Variants in GRID2 observed in about 807,000 individuals in gnomAD.
GRID2 encodes glutamate ionotropic receptor delta type subunit 2.
Under a neutral mutation model 114.8 loss-of-function variants are expected in GRID2, and 33 were observed. That is an observed-to-expected ratio of 0.29 (90% CI 0.22 to 0.38). The LOEUF is 0.38. Among genes scored for constraint, GRID2 ranks in the 10% least tolerant of loss-of-function variants. GRID2 has a pLI of 1.00. For missense variants in GRID2, 1,184 were observed against 1,257.7 expected (o/e 0.94, Z 0.89); for synonymous variants, 505 against 449.9 (o/e 1.12, Z -1.55).
chr4:93,525,307 G>A (rs13131107), intron 13 of GRID2, among the ~76,000 whole-genome samples: 30,780 of 152,014 alleles, frequency 0.2, 3,497 homozygotes, highest in Middle Eastern at 0.31. Context: ...GGAGGAGAGG[G>A]CCTGAGCAAA....
intron 2 of GRID2, among the ~76,000 whole-genome samples, chr4:92,616,586 C>G (rs528655494): frequency 6.6e-6 from 1 of 151,488 alleles, no homozygotes; most frequent in East Asian, 2.0e-4. Context: ...TTCAGAGACT[C>G]TTATTACATC....
chr4:93,338,622 A>T (rs1189365424), intron 8 of GRID2, among the ~76,000 whole-genome samples: 1 of 152,128 alleles, frequency 6.6e-6, no homozygotes, highest in African/African-American at 2.4e-5. Flanking sequence ...AGCTCACAAA[A>T]CTTCTGAAAA....
intron 2 of GRID2, among the ~76,000 whole-genome samples, chr4:93,016,057 G>T (rs995960606): frequency 8.8e-6 from 1 of 113,022 alleles, no homozygotes; most frequent in African/African-American, 3.7e-5. Flanking sequence ...GGAAGTGTGT[G>T]TGTGAGTGTG....
chr4:93,125,372 A>T (rs996461139), intron 4 of GRID2, among the ~76,000 whole-genome samples: 1 of 151,948 alleles, frequency 6.6e-6, no homozygotes, highest in African/African-American at 2.4e-5. Context: ...ATTAACTCTG[A>T]TTCTCTGATA....
At chr4:92,632,252 T>A (rs1730844230) in intron 2 of GRID2, among the ~76,000 whole-genome samples, 1 of 152,186 alleles carries the variant, frequency 6.6e-6, no homozygotes, top group South Asian at 2.1e-4. Flanking sequence ...AATAATTCTT[T>A]AAAAGGGCAT....
intron 12 of GRID2, among the ~76,000 whole-genome samples, chr4:93,512,888 A>G (rs1432607714): frequency 6.6e-6 from 1 of 152,148 alleles, no homozygotes; most frequent in Non-Finnish European, 1.5e-5. Context: ...TTAACATTTG[A>G]TTTCAGTTTT....
intron 2 of GRID2, among the ~76,000 whole-genome samples, chr4:92,791,680 T>C (rs1273349079): frequency 2.0e-5 from 3 of 151,894 alleles, no homozygotes; most frequent in African/African-American, 7.2e-5. Flanking sequence ...TGTTTCATGA[T>C]TATAATGAAA....
chr4:92,400,189 C>A (rs1161329768), intron 1 of GRID2, among the ~76,000 whole-genome samples: 10 of 152,228 alleles, frequency 6.6e-5, no homozygotes. Flanking sequence ...GCAACTACCA[C>A]AGCTATTTAA....
intron 2 of GRID2, among the ~76,000 whole-genome samples, chr4:92,962,914 T>C (rs1752916746): frequency 6.6e-6 from 1 of 151,940 alleles, no homozygotes; most frequent in South Asian, 2.1e-4. Flanking sequence ...TTAGAGACAT[T>C]GAAGGTTCAG....
chr4:92,966,230 G>C (rs1479593502), intron 2 of GRID2, among the ~76,000 whole-genome samples: 2 of 151,810 alleles, frequency 1.3e-5, no homozygotes, highest in African/African-American at 4.8e-5. Context: ...GAAACATCAA[G>C]TCATGACATA....
At chr4:92,504,476 C>A (rs184546392) in intron 1 of GRID2, among the ~76,000 whole-genome samples, 1 of 151,886 alleles carries the variant, frequency 6.6e-6, no homozygotes, top group South Asian at 2.1e-4. Flanking sequence ...GAGATTGACT[C>A]CAGAAGAGAA....
At chr4:93,727,934 C>A (rs908290901) in intron 14 of GRID2, among the ~76,000 whole-genome samples, 3 of 152,086 alleles carry the variant, frequency 2.0e-5, no homozygotes, top group South Asian at 2.1e-4. Context: ...TTCAAAAAAC[C>A]AGCTTCTGGA....
chr4:92,409,725 T>G (rs974692522), intron 1 of GRID2, among the ~76,000 whole-genome samples: 1 of 152,214 alleles, frequency 6.6e-6, no homozygotes, highest in Admixed American at 6.5e-5. Context: ...GTTGATCCAA[T>G]AATTTTTAAG....
At chr4:92,649,675 T>C (rs564573280) in intron 2 of GRID2, among the ~76,000 whole-genome samples, 1 of 152,012 alleles carries the variant, frequency 6.6e-6, no homozygotes, top group East Asian at 1.9e-4. Context: ...AATAACCAAA[T>C]AAAGACAATA....
At chr4:93,126,162 C>T (rs563489296) in intron 4 of GRID2, among the ~76,000 whole-genome samples, 29 of 152,146 alleles carry the variant, frequency 1.9e-4, no homozygotes, top group Non-Finnish European at 2.2e-4. Flanking sequence ...TTTTAAATTT[C>T]ACTCACTATT....
chr4:93,247,631 C>A (rs748975361), intron 8 of GRID2, among the ~76,000 whole-genome samples: 1 of 152,138 alleles, frequency 6.6e-6, no homozygotes, highest in South Asian at 2.1e-4. Context: ...TGAAACTATA[C>A]CACCCACTTT....
chr4:93,400,151 A>G (rs1408553109), intron 9 of GRID2, among the ~76,000 whole-genome samples: 1 of 152,142 alleles, frequency 6.6e-6, no homozygotes, highest in Non-Finnish European at 1.5e-5. Context: ...CTTCCTTCTG[A>G]ATCAGAATGG....
At chr4:92,411,736 C>T (rs1369907694) in intron 1 of GRID2, among the ~76,000 whole-genome samples, 1 of 148,330 alleles carries the variant, frequency 6.7e-6, no homozygotes, top group African/African-American at 2.5e-5. Context: ...GACGGAGTCT[C>T]GCTCTGTCGC....
At chr4:93,543,403 T>C (rs192030684) in intron 13 of GRID2, among the ~76,000 whole-genome samples, 19 of 152,296 alleles carry the variant, frequency 1.2e-4, no homozygotes, top group Admixed American at 3.3e-4. Context: ...ACTTTGGAGG[T>C]ATGTCTCAAT....
Sources: gnomAD v4.1 joint callset for allele counts (sites outside exome capture counted in the v4.1 genomes callset) on GRCh38, gnomAD v4.1.1 for gene constraint, MANE v1.5 for transcripts, NCBI Gene and HGNC (gene_info 2026-07-23, HGNC 2026-07-21) for gene names.